MZT2B: variants seen among roughly 807,000 people sequenced by gnomAD.
MZT2B encodes mitotic-spindle organizing protein 2B.
A neutral mutation model predicts 12.1 loss-of-function variants in MZT2B; 11 were observed. That is an observed-to-expected ratio of 0.91 (90% CI 0.57 to 1.50). MZT2B has a LOEUF of 1.50. MZT2B is among the 40% of genes most tolerant of loss of function. The probability of loss-of-function intolerance (pLI) is 0.00; values close to 1 mark genes in which losing one functional copy is unlikely to be tolerated. For missense variants in MZT2B, 209 were observed against 227.7 expected (o/e 0.92, Z 0.53); for synonymous variants, 85 against 109.5 (o/e 0.78, Z 1.40).
chr2:130,190,519 C>A lies in MZT2B; in HGVS notation c.370C>A (p.Arg124Ser), dbSNP rs773776345. The A allele has an allele frequency of 8.7e-6, 14 of 1,613,634 alleles. No homozygotes were observed. The highest frequency in any genetic ancestry group is 2.7e-5 in the African/African-American group (2 of 74,920). The change falls in exon 3 of 3, where the codon CGC (arginine) becomes AGC (serine). Residue 124 changes from arginine to serine, a missense_variant. Coordinates refer to ENST00000281871, the MANE Select transcript of MZT2B (RefSeq NM_025029.5). Reference sequence around the variant, plus strand: ...CGGGGGAGCATTGGCCCTGGCGGAACGCAGCAGCCGCGAAGGATCCAGCCA... The same window carrying A: ...CGGGGGAGCATTGGCCCTGGCGGAAAGCAGCAGCCGCGAAGGATCCAGCCA... The part of the protein sequence containing the change: ...ALGGALALAE[R>S]SSREGSSQRM...
the MZT2B span, among the ~76,000 whole-genome samples, chr2:130,204,705 G>A: frequency 0.065 from 3,421 of 52,758 alleles, 1 homozygote; most frequent in African/African-American, 0.19. Context: ...AAAAAAAAAA[G>A]GGGGGGTGGG....
At chr2:130,193,761 A>G, downstream of MZT2B, 1 of 1,578,380 alleles carries the variant, frequency 6.3e-7, no homozygotes, top group Non-Finnish European at 8.6e-7. Context: ...GCTTGCTGAA[A>G]GGCCTCCATG....
chr2:130,190,943 T>C (rs1690245106), downstream of MZT2B, among the ~76,000 whole-genome samples: 1 of 151,580 alleles, frequency 6.6e-6, no homozygotes, highest in South Asian at 2.1e-4. Flanking sequence ...TGAAGTGAAA[T>C]GTGGGAGGTT....
intron 2 of MZT2B, chr2:130,183,666 G>C: frequency 6.6e-7 from 1 of 1,506,588 alleles, no homozygotes; most frequent in Non-Finnish European, 9.0e-7. Flanking sequence ...CCTTCATGGG[G>C]GGAGTGCCAG....
chr2:130,196,293 G>C, the MZT2B span: 2 of 1,613,986 alleles, frequency 1.2e-6, no homozygotes, highest in African/African-American at 2.7e-5. Context: ...TGAATTCCAT[G>C]TTCAAGGCAG....
chr2:130,183,922 C>G, intron 2 of MZT2B: 9 of 1,550,554 alleles, frequency 5.8e-6, no homozygotes, highest in Non-Finnish European at 7.8e-6. Flanking sequence ...CCAGGCCCCC[C>G]GGGTTCCCTC....
the MZT2B span, among the ~76,000 whole-genome samples, chr2:130,200,051 A>C: frequency 6.6e-6 from 1 of 151,684 alleles, no homozygotes; most frequent in African/African-American, 2.4e-5. Context: ...AGCCAAGATC[A>C]TGCCATTGCA....
At chr2:130,192,788 A>ACATATAG (rs1343005306), downstream of MZT2B, among the ~76,000 whole-genome samples, 1 of 152,164 alleles carries the variant, frequency 6.6e-6, no homozygotes, top group Non-Finnish European at 1.5e-5. Flanking sequence ...GGGATCAGCA[A>ACATATAG]ACTCGTTCTA....
chr2:130,182,398 A>G lies in MZT2B; in HGVS notation c.116A>G (p.Glu39Gly). The G allele has an allele frequency of 6.4e-7, 1 of 1,562,760 alleles. No individual in the cohort carries two copies. The highest frequency in any genetic ancestry group is 2.1e-4 in the Middle Eastern group (1 of 4,670). ...RKKVLSTEEMELYELAQAAGG... is the reference protein window; with the variant it reads ...RKKVLSTEEMGLYELAQAAGG... ...AAGGTGCTGAGCACCGAGGAGATGGAGCTGTACGAGCTGGCGCAGGCGGCG... is the reference window on the plus strand; with the variant it reads ...AAGGTGCTGAGCACCGAGGAGATGGGGCTGTACGAGCTGGCGCAGGCGGCG... The change falls in exon 1 of 3, where the codon GAG (glutamate) becomes GGG (glycine). Residue 39 changes from glutamate to glycine, a missense_variant. Transcript: ENST00000281871.
chr2:130,191,736 T>A (rs370154977), downstream of MZT2B: 1 of 1,538,684 alleles, frequency 6.5e-7, no homozygotes, highest in Non-Finnish European at 8.8e-7. Context: ...TGCATGACAC[T>A]CAGAGGTCTT....
chr2:130,183,070 G>A (rs1176439309), intron 2 of MZT2B: 4 of 542,134 alleles, frequency 7.4e-6, no homozygotes, highest in East Asian at 3.4e-5. Context: ...TACAACGTCG[G>A]GAATCAAGAC....
At chr2:130,190,211 T>C (rs1200064564) in intron 2 of MZT2B, among the ~76,000 whole-genome samples, 1 of 152,178 alleles carries the variant, frequency 6.6e-6, no homozygotes, top group Non-Finnish European at 1.5e-5. Context: ...AATGTTCCCT[T>C]GGCAGTGTGC....
chr2:130,194,817 A>G (rs1024069632), downstream of MZT2B, among the ~76,000 whole-genome samples: 1 of 152,186 alleles, frequency 6.6e-6, no homozygotes, highest in African/African-American at 2.4e-5. Flanking sequence ...AGCTGGCAGT[A>G]CAGGTGTGTG....
chr2:130,190,370 A>C, intron 2 of MZT2B, 99 bp from the exon 3 acceptor site: 1 of 1,541,474 alleles, frequency 6.5e-7, no homozygotes, highest in Non-Finnish European at 8.8e-7. Flanking sequence ...TTTGATGGAA[A>C]TGTGCAGACA....
intron 2 of MZT2B, chr2:130,184,705 C>T: frequency 1.0e-6 from 1 of 985,408 alleles, no homozygotes; most frequent in Non-Finnish European, 1.2e-6. Context: ...GGCAAGTGTC[C>T]AGCAGGAGGG....
rs1422890060 is a variant in MZT2B at position 130,185,693 on chromosome 2, G to A, written c.319+2918G>A. Among the ~76,000 whole-genome samples, 14 of 119,352 alleles carry A rather than the reference G, an allele frequency of 1.2e-4. 2 individuals carry two copies. Among genetic ancestry groups the A allele is most frequent in the Non-Finnish European group, 2.2e-4 (12 of 54,764 alleles). The allele number at this position is 119,352 out of a possible 152,430, so 78.3% of individuals were successfully genotyped here. A position where few individuals can be genotyped will look rare whatever the true frequency, so the allele number is the denominator to read the frequency against. ...AGGCCGGGGGCGGGAGGAGGCAGGT[G>A]GGGGGGCACGGTCAAGATGTATGTG... is the stretch of plus-strand genomic sequence containing the variant. On this transcript the variant is annotated intron_variant, in intron 2 of 2. Coordinates refer to ENST00000281871, the MANE Select transcript of MZT2B (RefSeq NM_025029.5).
At chr2:130,193,096 A>AC (rs1690308245), downstream of MZT2B, among the ~76,000 whole-genome samples, 1 of 151,568 alleles carries the variant, frequency 6.6e-6, no homozygotes, top group Non-Finnish European at 1.5e-5. Flanking sequence ...GTCTCAAAAA[A>AC]AAAAAAAAAT....
chr2:130,189,666 G>A lies in MZT2B; in HGVS notation c.320-803G>A, dbSNP rs540004628. ...GGAGGGTCCTCTCAGTCTTGCCGATGCTGTCAACACCCTGAGCCCAGGGAA... is the reference window on the plus strand; with the variant it reads ...GGAGGGTCCTCTCAGTCTTGCCGATACTGTCAACACCCTGAGCCCAGGGAA... On this transcript the variant is annotated intron_variant, in intron 2 of 2. Coordinates refer to ENST00000281871, the MANE Select transcript of MZT2B (RefSeq NM_025029.5). Among the ~76,000 whole-genome samples, 365 of 152,332 alleles carry A rather than the reference G, an allele frequency of 2.4e-3. 2 individuals carry two copies. Among genetic ancestry groups the A allele is most frequent in the African/African-American group, 8.3e-3 (347 of 41,578 alleles).
chr2:130,182,863 G>C, intron 2 of MZT2B, 88 bp downstream of exon 2: 1 of 1,463,860 alleles, frequency 6.8e-7, no homozygotes, highest in Non-Finnish European at 9.1e-7. Context: ...GCGTGGCCCT[G>C]AGTGGCCAGG....
Sources: allele counts gnomAD v4.1 joint callset (sites outside exome capture counted in the v4.1 genomes callset), GRCh38; gene constraint gnomAD v4.1.1; transcripts MANE v1.5; gene names NCBI Gene and HGNC (gene_info 2026-07-23, HGNC 2026-07-21).